The following CABCOCO1 variants were observed in gnomAD, a reference collection of about 807,000 sequenced individuals.
CABCOCO1 encodes ciliary-associated calcium-binding coiled-coil protein 1.
CABCOCO1 carries 28 observed loss-of-function variants against 35.7 expected under a neutral mutation model. That is an observed-to-expected ratio of 0.78 (90% CI 0.58 to 1.07). CABCOCO1 has a LOEUF of 1.07. Ranked by LOEUF, CABCOCO1 falls within the 50% of genes least tolerant of loss-of-function variation. CABCOCO1 has a pLI of 0.00. For missense variants in CABCOCO1, 326 were observed against 309.2 expected (o/e 1.05, Z -0.41); for synonymous variants, 95 against 100.1 (o/e 0.95, Z 0.30).
chr10:61,719,745 C>A (rs562935527), intron 5 of CABCOCO1, among the ~76,000 whole-genome samples: 2 of 151,914 alleles, frequency 1.3e-5, no homozygotes, highest in East Asian at 3.9e-4. Context: ...CATGGTGAAA[C>A]CCCGTCTCTA....
intron 5 of CABCOCO1, among the ~76,000 whole-genome samples, chr10:61,754,061 T>C (rs1841848129): frequency 6.6e-6 from 1 of 152,144 alleles, no homozygotes; most frequent in African/African-American, 2.4e-5. Flanking sequence ...TTATAAGTAA[T>C]AATAGTAATA....
intron 5 of CABCOCO1, among the ~76,000 whole-genome samples, chr10:61,722,383 C>T (rs1841043522): frequency 6.6e-6 from 1 of 151,978 alleles, no homozygotes; most frequent in Non-Finnish European, 1.5e-5. Flanking sequence ...TTTACTGGAA[C>T]AACTCTTTAG....
At chr10:61,751,051 A>G (rs1841771120) in intron 5 of CABCOCO1, among the ~76,000 whole-genome samples, 1 of 152,100 alleles carries the variant, frequency 6.6e-6, no homozygotes. Flanking sequence ...GAAACTTCAC[A>G]GAGTTGATTG....
chr10:61,690,527 G>A, intron 4 of CABCOCO1, 22 bp from the exon 5 acceptor site: 1 of 1,510,626 alleles, frequency 6.6e-7, no homozygotes, highest in Non-Finnish European at 9.1e-7. Flanking sequence ...TTATCAGAGT[G>A]CACATTTATT....
intron 5 of CABCOCO1, among the ~76,000 whole-genome samples, chr10:61,756,042 G>A (rs969299414): frequency 1.3e-5 from 2 of 151,812 alleles, no homozygotes; most frequent in Non-Finnish European, 1.5e-5. Context: ...GATTTCTTAC[G>A]ATTTTATTTG....
At chr10:61,704,159 G>A (rs1840539106) in intron 5 of CABCOCO1, among the ~76,000 whole-genome samples, 1 of 152,186 alleles carries the variant, frequency 6.6e-6, no homozygotes, top group Admixed American at 6.5e-5. Context: ...GGGAGGTGGA[G>A]GTTGCAGGGA....
intron 2 of CABCOCO1, among the ~76,000 whole-genome samples, chr10:61,680,611 G>A (rs1382209519): frequency 3.3e-4 from 5 of 14,926 alleles, no homozygotes; most frequent in African/African-American, 6.9e-4. Context: ...TGTATAACAT[G>A]TTATACATAA....
intron 5 of CABCOCO1, among the ~76,000 whole-genome samples, chr10:61,695,139 A>G (rs1422766098): frequency 1.3e-5 from 2 of 151,876 alleles, no homozygotes; most frequent in African/African-American, 2.4e-5. Context: ...AAATAAAAAA[A>G]TATAAAATAT....
chr10:61,756,847 C>CAAGAA (rs1841907001), intron 5 of CABCOCO1, among the ~76,000 whole-genome samples: 1 of 151,546 alleles, frequency 6.6e-6, no homozygotes. Context: ...TGATCCTTTT[C>CAAGAA]TGTTTTTATT....
intron 5 of CABCOCO1, among the ~76,000 whole-genome samples, chr10:61,735,152 T>C (rs964799485): frequency 1.3e-5 from 2 of 151,904 alleles, no homozygotes; most frequent in African/African-American, 4.8e-5. Context: ...CTAGAAAATT[T>C]CCCTCAAAAC....
chr10:61,663,522 T>A (rs1209809170), intron 1 of CABCOCO1, among the ~76,000 whole-genome samples: 1 of 152,324 alleles, frequency 6.6e-6, no homozygotes, highest in Non-Finnish European at 1.5e-5. Context: ...TTACTGGTGA[T>A]GGACTGATTA....
chr10:61,706,262 C>T (rs141038749), intron 5 of CABCOCO1, among the ~76,000 whole-genome samples: 22 of 152,210 alleles, frequency 1.4e-4, no homozygotes, highest in African/African-American at 4.6e-4. Context: ...AAAACGAACA[C>T]CATACCGTGT....
intron 3 of CABCOCO1, 148 bp from the exon 4 acceptor site, chr10:61,685,893 A>G (rs920568922): frequency 1.4e-6 from 1 of 707,424 alleles, no homozygotes; most frequent in South Asian, 2.0e-5. Context: ...AAACGTATTA[A>G]TTTATTATGA....
chr10:61,729,968 C>T, intron 5 of CABCOCO1, among the ~76,000 whole-genome samples: 1 of 152,034 alleles, frequency 6.6e-6, no homozygotes, highest in Middle Eastern at 3.4e-3. Context: ...GGGTTTCAGT[C>T]AAGTAAAATG....
intron 5 of CABCOCO1, among the ~76,000 whole-genome samples, chr10:61,732,169 T>G (rs75423426): frequency 0.12 from 17,802 of 152,054 alleles, 1,381 homozygotes; most frequent in African/African-American, 0.19. Context: ...TTTATTGGCA[T>G]AAAGATCTGT....
intron 5 of CABCOCO1, among the ~76,000 whole-genome samples, chr10:61,710,144 G>C (rs1305664443): frequency 6.6e-6 from 1 of 151,862 alleles, no homozygotes; most frequent in Admixed American, 6.6e-5. Context: ...TGAGTTTTTT[G>C]TGTGTATATC....
chr10:61,753,800 TG>T (rs1443667518), intron 5 of CABCOCO1, among the ~76,000 whole-genome samples: 1 of 152,138 alleles, frequency 6.6e-6, no homozygotes, highest in Admixed American at 6.6e-5. Flanking sequence ...AAAGAGAAGT[TG>T]TTTGGGACCA....
chr10:61,761,476 A>T (rs142845958), intron 7 of CABCOCO1, among the ~76,000 whole-genome samples: 4 of 152,182 alleles, frequency 2.6e-5, no homozygotes, highest in African/African-American at 9.6e-5. Flanking sequence ...CAATAATTAC[A>T]TGAACATGGT....
At chr10:61,749,257 TCAC>T (rs2132077749) in intron 5 of CABCOCO1, among the ~76,000 whole-genome samples, 1 of 152,312 alleles carries the variant, frequency 6.6e-6, no homozygotes, top group South Asian at 2.1e-4. Flanking sequence ...GGAGCTTTGG[TCAC>T]ACGACCATCC....
Sources: gnomAD v4.1 joint callset for allele counts (sites outside exome capture counted in the v4.1 genomes callset) on GRCh38, gnomAD v4.1.1 for gene constraint, MANE v1.5 for transcripts, NCBI Gene and HGNC (gene_info 2026-07-23, HGNC 2026-07-21) for gene names.